The following NCOR1 variants were observed in gnomAD, a reference collection of about 807,000 sequenced individuals.
NCOR1 encodes the protein protein phosphatase 1, regulatory subunit 109.
In NCOR1, 63 loss-of-function variants were observed where a neutral mutation model predicts 288.1. The ratio of observed to expected loss-of-function variants is 0.22; its 90% CI spans 0.18 to 0.27. NCOR1 has a LOEUF of 0.27. Among genes scored for constraint, NCOR1 ranks in the 10% least tolerant of loss-of-function variants. NCOR1 has a pLI of 1.00. For missense variants in NCOR1, 2,397 were observed against 3,019.2 expected, an observed-to-expected ratio of 0.79 and a Z score of 4.83; for synonymous variants, 1,007 against 1,065.9, an observed-to-expected ratio of 0.94 and a Z score of 1.08.
At chr17:16,207,221 A>T (rs1428128152) in intron 1 of NCOR1, among the ~76,000 whole-genome samples, 1 of 152,228 alleles carries the variant, frequency 6.6e-6, no homozygotes, top group Non-Finnish European at 1.5e-5. Context: ...ACTCAAAGTC[A>T]TGATGATGAC....
Position 16,029,598 on chromosome 17 carries a change from A to AGT in NCOR1, c.*2696_*2697dup, listed in dbSNP as rs1464621430. ...CTAAAAAAATCACGTGTAAGGATAT[A>AGT]GTGTCAGAACACTGAAATCTAAGTC... On this transcript the variant is annotated 3_prime_UTR_variant, in exon 46 of 46. Coordinates refer to ENST00000268712, the MANE Select transcript of NCOR1 (RefSeq NM_006311.4). The AGT allele has an allele frequency of 5.2e-6, 1 of 193,366 alleles. No individual in the cohort carries two copies. The highest frequency in any genetic ancestry group is 1.1e-5 in the Non-Finnish European group (1 of 92,606). The allele number at this position is 193,366 out of a possible 1,614,324, so 12.0% of individuals were successfully genotyped here. A position where few individuals can be genotyped will look rare whatever the true frequency, so the allele number is the denominator to read the frequency against.
Position 16,127,425 on chromosome 17 carries a change from GTA to G in NCOR1, c.1510-1221_1510-1220del, listed in dbSNP as rs1380256046. Among the ~76,000 whole-genome samples the G allele has an allele frequency of 6.0e-4, 84 of 139,502 alleles. 16 individuals carry two copies. The highest frequency in any genetic ancestry group is 1.4e-4 in the Admixed American group (2 of 14,144). 91.5% of individuals were successfully genotyped at this position (139,502 alleles called of 152,430 possible). A position where few individuals can be genotyped will look rare whatever the true frequency, so the allele number is the denominator to read the frequency against. Reference sequence around the variant, plus strand: ...TATATGTGTATGTATATATACATGTGTATATGTGTATGTATATATGTGTATAT... The same window carrying G: ...TATATGTGTATGTATATATACATGTGTATGTGTATGTATATATGTGTATAT... On this transcript the variant is annotated intron_variant, in intron 14 of 45. Coordinates refer to ENST00000268712, the MANE Select transcript of NCOR1 (RefSeq NM_006311.4).
intron 6 of NCOR1, among the ~76,000 whole-genome samples, chr17:16,157,695 T>C (rs1179556869): frequency 6.6e-6 from 1 of 150,812 alleles, no homozygotes; most frequent in Non-Finnish European, 1.5e-5. Flanking sequence ...AAAACCCTAT[T>C]CTATCCCACA....
chr17:16,047,236 G>T, intron 41 of NCOR1, 143 bp from the exon 42 acceptor site: 2 of 770,298 alleles, frequency 2.6e-6, no homozygotes, highest in Non-Finnish European at 4.0e-6. Flanking sequence ...CTAAGAAACA[G>T]TATGTAATCA....
chr17:16,043,224 C>T (rs1362108738), intron 42 of NCOR1, among the ~76,000 whole-genome samples: 1 of 152,190 alleles, frequency 6.6e-6, no homozygotes, highest in Non-Finnish European at 1.5e-5. Context: ...AATAAAGTCA[C>T]TGATGTCCTT....
At chr17:16,050,559 A>C (rs2059189813) in intron 40 of NCOR1, among the ~76,000 whole-genome samples, 1 of 152,196 alleles carries the variant, frequency 6.6e-6, no homozygotes, top group South Asian at 2.1e-4. Context: ...TATGCATATG[A>C]AAGCCACCTG....
intron 3 of NCOR1, among the ~76,000 whole-genome samples, chr17:16,172,832 G>T (rs2083377017): frequency 6.6e-6 from 1 of 152,172 alleles, no homozygotes; most frequent in African/African-American, 2.4e-5. Context: ...TTACAGAGGT[G>T]ATATTGTATC....
chr17:16,114,933 C>A (rs1007643377), intron 18 of NCOR1, among the ~76,000 whole-genome samples: 1 of 152,170 alleles, frequency 6.6e-6, no homozygotes, highest in African/African-American at 2.4e-5. Context: ...AGTAGGGAGT[C>A]TGACCCCCCA....
chr17:16,191,034 T>C (rs1379837985), intron 2 of NCOR1, among the ~76,000 whole-genome samples: 1 of 152,344 alleles, frequency 6.6e-6, no homozygotes, highest in East Asian at 1.9e-4. Context: ...TTCCAGAAGT[T>C]AGTTTCAAAG....
chr17:16,208,957 CAT>C (rs1393126760), intron 1 of NCOR1, among the ~76,000 whole-genome samples: 3 of 152,124 alleles, frequency 2.0e-5, no homozygotes, highest in Non-Finnish European at 4.4e-5. Flanking sequence ...ATCAAACTGC[CAT>C]ATGTGTATCA....
intron 26 of NCOR1, among the ~76,000 whole-genome samples, chr17:16,077,545 GAGAGGATA>G (rs2062723588): frequency 2.8e-5 from 1 of 35,284 alleles, no homozygotes; most frequent in African/African-American, 1.1e-4. Context: ...GAGAGGGGAG[GAGAGGATA>G]GGGGAGGGGA....
chr17:16,076,477 T>C (rs1434834727), intron 26 of NCOR1, among the ~76,000 whole-genome samples: 2 of 152,232 alleles, frequency 1.3e-5, no homozygotes, highest in Non-Finnish European at 2.9e-5. Flanking sequence ...CAATCATTGA[T>C]GCTGATCCTC....
At chr17:16,039,041 T>C (rs1245954046) in intron 44 of NCOR1, among the ~76,000 whole-genome samples, 3 of 152,238 alleles carry the variant, frequency 2.0e-5, no homozygotes, top group Non-Finnish European at 1.5e-5. Context: ...AGTGCTGGGA[T>C]TACAGGCGTG....
At chr17:16,139,550 A>AT (rs1465041714) in intron 11 of NCOR1, among the ~76,000 whole-genome samples, 3 of 152,298 alleles carry the variant, frequency 2.0e-5, no homozygotes, top group African/African-American at 7.2e-5. Flanking sequence ...TATTAGTCTC[A>AT]TTTTTTAAAG....
intron 9 of NCOR1, among the ~76,000 whole-genome samples, chr17:16,147,287 T>C (rs1239380488): frequency 6.6e-6 from 1 of 151,976 alleles, no homozygotes; most frequent in Non-Finnish European, 1.5e-5. Flanking sequence ...TGGGCACCTG[T>C]AGTCCCAGCT....
At chr17:16,152,743 T>C (rs985601085) in intron 7 of NCOR1, among the ~76,000 whole-genome samples, 1 of 152,198 alleles carries the variant, frequency 6.6e-6, no homozygotes, top group Non-Finnish European at 1.5e-5. Flanking sequence ...TCTTCCACAA[T>C]GGTTGAACTA....
At chr17:16,053,002 G>A (rs2059494269) in intron 40 of NCOR1, among the ~76,000 whole-genome samples, 1 of 152,068 alleles carries the variant, frequency 6.6e-6, no homozygotes, top group South Asian at 2.1e-4. Flanking sequence ...ACCCTTTCAT[G>A]TTAAAAACTC....
chr17:16,212,507 T>C, intron 1 of NCOR1, among the ~76,000 whole-genome samples: 1 of 152,184 alleles, frequency 6.6e-6, no homozygotes, highest in East Asian at 1.9e-4. Context: ...TATCATAGTC[T>C]AGTAAAATCC....
intron 40 of NCOR1, chr17:16,049,200 C>G (rs1055612775): frequency 4.4e-5 from 16 of 366,780 alleles, no homozygotes; most frequent in Non-Finnish European, 6.8e-5. Context: ...GCCACTTGAC[C>G]CATGCGCGCC....
Sources: gnomAD v4.1 joint callset for allele counts (sites outside exome capture counted in the v4.1 genomes callset) on GRCh38, gnomAD v4.1.1 for gene constraint, MANE v1.5 for transcripts, NCBI Gene and HGNC (gene_info 2026-07-23, HGNC 2026-07-21) for gene names.